The following HSCB variants were observed in gnomAD, a reference collection of about 807,000 sequenced individuals.
HSCB encodes the protein iron-sulfur cluster co-chaperone protein HscB.
A neutral mutation model predicts 31.3 loss-of-function variants in HSCB; 23 were observed. The ratio of observed to expected loss-of-function variants is 0.74; its 90% CI spans 0.53 to 1.04. The LOEUF (loss-of-function observed/expected upper bound fraction) is 1.04. HSCB is among the 50% of genes least tolerant of loss of function. The pLI is 0.00. For synonymous variants in HSCB, 110 were observed against 104.5 expected (o/e 1.05, Z -0.32); for missense variants, 297 against 288.1 (o/e 1.03, Z -0.22).
At chr22:28,755,909 A>G (rs1056336544) in intron 5 of HSCB, among the ~76,000 whole-genome samples, 2 of 152,148 alleles carry the variant, frequency 1.3e-5, no homozygotes, top group Non-Finnish European at 2.9e-5. Context: ...ATCTCCAGAC[A>G]TTGCCAGATG....
At chr22:28,756,560 C>T (rs1308141970) in intron 5 of HSCB, among the ~76,000 whole-genome samples, 1 of 151,870 alleles carries the variant, frequency 6.6e-6, no homozygotes, top group African/African-American at 2.4e-5. Context: ...CCTCAAACTC[C>T]TGGGCTCAAG....
intron 4 of HSCB, among the ~76,000 whole-genome samples, chr22:28,747,362 T>TG (rs1301978969): frequency 1.3e-5 from 2 of 152,164 alleles, no homozygotes; most frequent in African/African-American, 2.4e-5. Context: ...AGCGCAGTGT[T>TG]GCAATCACAG....
chr22:28,754,144 AC>A (rs200002205), intron 5 of HSCB, among the ~76,000 whole-genome samples: 17,170 of 125,376 alleles, frequency 0.14, 1,002 homozygotes, highest in East Asian at 0.28. Flanking sequence ...AAACAAACAA[AC>A]AAAAAAAAAT....
Position 28,757,212 on chromosome 22 carries a change from C to A in HSCB, c.*43C>A. ...TTTAAAAAATAAAGTTCTTGCTGGG[C>A]ACAGTGGCTCACACCTGTAATCCCA... On this transcript the variant is annotated 3_prime_UTR_variant, in exon 6 of 6. Transcript: ENST00000216027. The A allele has an allele frequency of 2.0e-6, 2 of 998,374 alleles. No individual in the cohort carries two copies. The highest frequency in any genetic ancestry group is 3.2e-6 in the Non-Finnish European group (2 of 632,048). 61.8% of individuals were successfully genotyped at this position (998,374 alleles called of 1,614,324 possible).
At chr22:28,746,899 A>C (rs1232431583) in intron 4 of HSCB, among the ~76,000 whole-genome samples, 1 of 47,396 alleles carries the variant, frequency 2.1e-5, no homozygotes, top group Non-Finnish European at 3.9e-5. Context: ...ACTCCGTCTC[A>C]AAAAAAAAAA....
intron 4 of HSCB, among the ~76,000 whole-genome samples, chr22:28,747,032 C>G (rs1265728370): frequency 6.6e-6 from 1 of 151,992 alleles, no homozygotes; most frequent in East Asian, 1.9e-4. Flanking sequence ...CCACTGTACT[C>G]CAGCCTGAGT....
At position 28,742,095 on chromosome 22, in the gene HSCB, G is replaced by A. The variant is rs1454200534; in HGVS notation, c.-1G>A. On this transcript the variant is annotated 5_prime_UTR_variant, in exon 1 of 6. Coordinates refer to ENST00000216027, the MANE Select transcript of HSCB (RefSeq NM_172002.5). Reference sequence around the variant, plus strand: ...CCACGGCTAGATAGGCCGCCGGCCAGATGTGGCGGGGGAGAGCCGGGGCTT... The same window carrying A: ...CCACGGCTAGATAGGCCGCCGGCCAAATGTGGCGGGGGAGAGCCGGGGCTT... The A allele has an allele frequency of 1.2e-6, 2 of 1,606,528 alleles. No homozygotes were observed. Among genetic ancestry groups the A allele is most frequent in the Admixed American group, 1.7e-5 (1 of 58,832 alleles).
chr22:28,745,083 C>G (rs2054661911), intron 3 of HSCB, among the ~76,000 whole-genome samples: 1 of 151,590 alleles, frequency 6.6e-6, no homozygotes. Context: ...GTCCAGGGAC[C>G]CAATAGTATT....
At chr22:28,745,754 C>A in intron 3 of HSCB, 110 bp from the exon 4 acceptor site, 1 of 856,188 alleles carries the variant, frequency 1.2e-6, no homozygotes, top group Non-Finnish European at 1.8e-6. Context: ...ATTATCGGGA[C>A]AGTTGCAGTT....
intron 3 of HSCB, 24 bp from the exon 4 acceptor site, chr22:28,745,840 T>G: frequency 1.3e-6 from 2 of 1,584,512 alleles, no homozygotes; most frequent in Non-Finnish European, 1.7e-6. Context: ...TTCAACTTAT[T>G]TTTCTTGCTT....
intron 4 of HSCB, 108 bp downstream of exon 4, chr22:28,746,116 C>T (rs1260163440): frequency 9.2e-6 from 10 of 1,083,624 alleles, no homozygotes; most frequent in African/African-American, 4.8e-5. Context: ...TGCAGTGGCT[C>T]ACGCCTATAA....
In HSCB at chr22:28,742,232, G is replaced by GC; in HGVS notation, c.140dup (p.Trp48MetfsTer21). Reference sequence around the variant, plus strand: ...TATCCCCGCTGTTGGAACTGCGGCGGCCCATGGGGCCCCGGGCGGGAGGAC... The same window carrying GC: ...TATCCCCGCTGTTGGAACTGCGGCGGCCCCATGGGGCCCCGGGCGGGAGGAC... On this transcript the variant is annotated frameshift_variant, in exon 1 of 6. Transcript: ENST00000216027. LOFTEE classifies it high-confidence loss of function. 1 of 1,614,026 alleles carries GC rather than the reference G, an allele frequency of 6.2e-7. No homozygotes were observed. Among genetic ancestry groups the GC allele is most frequent in the Non-Finnish European group, 8.5e-7 (1 of 1,180,000 alleles).
chr22:28,742,583 A>C, intron 1 of HSCB: 1 of 455,136 alleles, frequency 2.2e-6, no homozygotes. Context: ...CTGAAGTTAG[A>C]GGAAATAGGG....
chr22:28,757,342 G>A lies in HSCB; in HGVS notation c.*173G>A, dbSNP rs958351715. On this transcript the variant is annotated 3_prime_UTR_variant, in exon 6 of 6. Transcript: ENST00000216027. ...TCTGCTGAAAATACAAAAATTAGCC[G>A]GGCATGGTGGCGCGTGCCTGTAATC... 18 of 449,964 alleles carry A rather than the reference G, an allele frequency of 4.0e-5. No homozygotes were observed. The highest frequency in any genetic ancestry group is 1.9e-4 in the South Asian group (9 of 46,786). 27.9% of individuals were successfully genotyped at this position (449,964 alleles called of 1,614,324 possible). A position where few individuals can be genotyped will look rare whatever the true frequency, so the allele number is the denominator to read the frequency against.
intron 5 of HSCB, among the ~76,000 whole-genome samples, chr22:28,754,005 T>TG (rs1569189300): frequency 1.4e-5 from 2 of 147,132 alleles, no homozygotes; most frequent in African/African-American, 5.0e-5. Flanking sequence ...TGGTGGCAGA[T>TG]GCCTGTAATC....
Position 28,742,043 on chromosome 22 carries a change from G to C in HSCB, c.-53G>C. On this transcript the variant is annotated 5_prime_UTR_variant, in exon 1 of 6. Coordinates refer to ENST00000216027, the MANE Select transcript of HSCB (RefSeq NM_172002.5). ...ATCAGCAACATTAGTCTGGTTAGACGCTCTCTTTGCTTTTCCCCACGAGTG... is the reference window on the plus strand; with the variant it reads ...ATCAGCAACATTAGTCTGGTTAGACCCTCTCTTTGCTTTTCCCCACGAGTG... The C allele has an allele frequency of 6.5e-7, 1 of 1,547,746 alleles. No homozygotes were observed. The highest frequency in any genetic ancestry group is 8.7e-7 in the Non-Finnish European group (1 of 1,147,046).
intron 5 of HSCB, among the ~76,000 whole-genome samples, chr22:28,755,899 A>G (rs138994630): frequency 6.6e-6 from 1 of 152,306 alleles, no homozygotes; most frequent in African/African-American, 2.4e-5. Flanking sequence ...AACCAAAAAT[A>G]TCTCCAGACA....
intron 4 of HSCB, among the ~76,000 whole-genome samples, 197 bp downstream of exon 4, chr22:28,746,205 AC>A (rs1267159326): frequency 6.6e-6 from 1 of 151,654 alleles, no homozygotes; most frequent in Admixed American, 6.6e-5. Flanking sequence ...ACATGGTAAA[AC>A]CCTGTCTCTA....
chr22:28,745,755 A>T, intron 3 of HSCB, 109 bp from the exon 4 acceptor site: 2 of 865,404 alleles, frequency 2.3e-6, no homozygotes, highest in Non-Finnish European at 3.6e-6. Context: ...TTATCGGGAC[A>T]GTTGCAGTTT....
Sources: allele counts gnomAD v4.1 joint callset (sites outside exome capture counted in the v4.1 genomes callset), GRCh38; gene constraint gnomAD v4.1.1; transcripts MANE v1.5; gene names NCBI Gene and HGNC (gene_info 2026-07-23, HGNC 2026-07-21).